The following NEO1 variants were observed in gnomAD, a reference collection of about 807,000 sequenced individuals.
The protein encoded by NEO1 is neogenin 1, also known as neogenin.
A neutral mutation model predicts 159.7 loss-of-function variants in NEO1; 63 were observed. The ratio of observed to expected loss-of-function variants is 0.39; its 90% CI spans 0.32 to 0.49. NEO1 has a LOEUF of 0.49. Ranked by LOEUF, NEO1 falls within the 20% of genes least tolerant of loss-of-function variation. The probability of loss-of-function intolerance (pLI) is 0.85; values close to 1 mark genes in which losing one functional copy is unlikely to be tolerated. For missense variants in NEO1, 1,615 were observed against 1,831.0 expected (o/e 0.88, Z 2.15); for synonymous variants, 633 against 662.0 (o/e 0.96, Z 0.67).
intron 1 of NEO1, among the ~76,000 whole-genome samples, chr15:73,112,842 G>A (rs901914480): frequency 5.3e-5 from 8 of 152,054 alleles, no homozygotes; most frequent in East Asian, 1.9e-4. Context: ...AAAATATTTC[G>A]AACATTATCT....
At chr15:73,138,731 G>T (rs1236718615) in intron 5 of NEO1, among the ~76,000 whole-genome samples, 1 of 148,640 alleles carries the variant, frequency 6.7e-6, no homozygotes. Flanking sequence ...ACTCCAGCCT[G>T]GGCGACAGAG....
chr15:73,065,938 A>C (rs1041916440), intron 1 of NEO1, among the ~76,000 whole-genome samples: 1 of 152,124 alleles, frequency 6.6e-6, no homozygotes, highest in Non-Finnish European at 1.5e-5. Flanking sequence ...ATAACTTTAC[A>C]TTCTGATTAG....
At chr15:73,114,108 C>T (rs1361962039) in intron 1 of NEO1, among the ~76,000 whole-genome samples, 1 of 152,182 alleles carries the variant, frequency 6.6e-6, no homozygotes, top group Non-Finnish European at 1.5e-5. Flanking sequence ...GCAAAACTAA[C>T]ATTGCCTGGG....
intron 5 of NEO1, among the ~76,000 whole-genome samples, chr15:73,163,642 C>T (rs2034349415): frequency 6.6e-6 from 1 of 152,146 alleles, no homozygotes; most frequent in Non-Finnish European, 1.5e-5. Flanking sequence ...CTGCAAACCA[C>T]CTGGAGATCT....
chr15:73,224,385 A>G (rs2038457628), intron 7 of NEO1, among the ~76,000 whole-genome samples: 1 of 152,192 alleles, frequency 6.6e-6, no homozygotes, highest in African/African-American at 2.4e-5. Flanking sequence ...GTTTCCCTCG[A>G]ACATTTTCCA....
intron 7 of NEO1, among the ~76,000 whole-genome samples, chr15:73,217,741 G>C (rs1596370252): frequency 6.6e-6 from 1 of 152,100 alleles, no homozygotes. Context: ...TGTTATTGGT[G>C]TATAAGAATG....
At chr15:73,265,732 A>G (rs889825409) in intron 15 of NEO1, among the ~76,000 whole-genome samples, 5 of 152,116 alleles carry the variant, frequency 3.3e-5, no homozygotes, top group Non-Finnish European at 5.9e-5. Context: ...TCTAGTGGCA[A>G]TCTAGGGAGT....
At chr15:73,294,520 A>C (rs1380949782) in intron 26 of NEO1, among the ~76,000 whole-genome samples, 1 of 152,016 alleles carries the variant, frequency 6.6e-6, no homozygotes, top group Non-Finnish European at 1.5e-5. Flanking sequence ...CCATTCTTTT[A>C]AGTTTTTTGT....
intron 1 of NEO1, among the ~76,000 whole-genome samples, chr15:73,079,988 G>A (rs932315950): frequency 1.3e-5 from 2 of 152,170 alleles, no homozygotes; most frequent in African/African-American, 4.8e-5. Flanking sequence ...TTTGAGAATT[G>A]TTTTTTCTCT....
At chr15:73,238,768 A>G (rs1040514775) in intron 8 of NEO1, among the ~76,000 whole-genome samples, 1 of 152,096 alleles carries the variant, frequency 6.6e-6, no homozygotes, top group African/African-American at 2.4e-5. Context: ...AGCCCATTAG[A>G]GTTAAAAAAA....
chr15:73,257,225 G>A (rs1030285214), intron 13 of NEO1, among the ~76,000 whole-genome samples: 6 of 135,302 alleles, frequency 4.4e-5, no homozygotes, highest in African/African-American at 1.6e-4. Context: ...TGAATATTTA[G>A]TTGTATTTAT....
intron 14 of NEO1, among the ~76,000 whole-genome samples, chr15:73,259,683 T>A (rs562013879): frequency 6.6e-6 from 1 of 152,324 alleles, no homozygotes; most frequent in East Asian, 1.9e-4. Context: ...ATTAAGGTAG[T>A]AACTTATGCC....
intron 7 of NEO1, among the ~76,000 whole-genome samples, chr15:73,186,976 A>G (rs2035968123): frequency 6.6e-6 from 1 of 152,174 alleles, no homozygotes; most frequent in Non-Finnish European, 1.5e-5. Flanking sequence ...CTCTGGTCTA[A>G]CACAGAAATA....
chr15:73,120,516 C>T (rs1408017772), intron 2 of NEO1, among the ~76,000 whole-genome samples: 3 of 151,764 alleles, frequency 2.0e-5, no homozygotes, highest in African/African-American at 4.8e-5. Context: ...TTTGTTTGCT[C>T]TTCCTTAAAG....
At chr15:73,082,845 A>G (rs1191433644) in intron 1 of NEO1, among the ~76,000 whole-genome samples, 8 of 152,198 alleles carry the variant, frequency 5.3e-5, no homozygotes, top group African/African-American at 7.2e-5. Context: ...GGAGAAGTGC[A>G]TAATAGGGAG....
chr15:73,258,978 C>A, intron 14 of NEO1, 102 bp downstream of exon 14: 1 of 957,716 alleles, frequency 1.0e-6, no homozygotes, highest in Non-Finnish European at 1.6e-6. Context: ...TGGCTCAAGT[C>A]TGTGAACTTT....
chr15:73,118,469 C>T (rs1326087853), intron 2 of NEO1, among the ~76,000 whole-genome samples: 2 of 151,218 alleles, frequency 1.3e-5, no homozygotes, highest in Non-Finnish European at 2.9e-5. Context: ...CCATCACCCT[C>T]ACCACAGTTT....
chr15:73,104,449 G>A (rs1460351344), intron 1 of NEO1, among the ~76,000 whole-genome samples: 2 of 152,150 alleles, frequency 1.3e-5, no homozygotes, highest in Non-Finnish European at 2.9e-5. Flanking sequence ...AGAATTAATG[G>A]TTAGCTTTGA....
rs2038620270 is a variant in NEO1 at position 73,226,857 on chromosome 15, CA to C, written c.1292-9487del. Among the ~76,000 whole-genome samples the C allele has an allele frequency of 3.3e-5, 5 of 152,048 alleles. No individual in the cohort carries two copies. The South Asian group carries it at 8.3e-4, about 25-fold the overall frequency. On this transcript the variant is annotated intron_variant, in intron 7 of 28. Transcript: ENST00000261908. ...TTTAAAGAAATTTCAAAACTATTTT[CA>C]AAGAAAGGTTATGAAAAAGGAACAA...
Sources: gnomAD v4.1 joint callset for allele counts (sites outside exome capture counted in the v4.1 genomes callset) on GRCh38, gnomAD v4.1.1 for gene constraint, MANE v1.5 for transcripts, NCBI Gene and HGNC (gene_info 2026-07-23, HGNC 2026-07-21) for gene names.